ATOSA: variants seen among roughly 807,000 people sequenced by gnomAD.
The protein encoded by ATOSA is atos homolog A.
the ATOSA span, chr15:52,657,818 G>A: frequency 2.0e-5 from 3 of 152,084 alleles, no homozygotes. Context: ...ATTAATGTGT[G>A]TAAAATTAAT....
At chr15:52,617,772 A>T in the ATOSA span, among the ~76,000 whole-genome samples, 322 of 123,072 alleles carry the variant, frequency 2.6e-3, 1 homozygote, top group East Asian at 0.026. Flanking sequence ...ATTTATTAAT[A>T]ATTTATTATA....
the ATOSA span, chr15:52,677,979 C>A: frequency 6.2e-7 from 1 of 1,613,994 alleles, no homozygotes; most frequent in Non-Finnish European, 8.5e-7. Context: ...GGTGGGGGAA[C>A]AAGCCCTACT....
the ATOSA span, among the ~76,000 whole-genome samples, chr15:52,691,520 A>G: frequency 4.6e-5 from 7 of 152,220 alleles, no homozygotes; most frequent in Non-Finnish European, 5.9e-5. Context: ...GAAACTATAA[A>G]CTATTAAACA....
the ATOSA span, among the ~76,000 whole-genome samples, chr15:52,662,326 C>A: frequency 6.6e-6 from 1 of 152,074 alleles, no homozygotes; most frequent in East Asian, 1.9e-4. Context: ...GCCTCTAATC[C>A]CATAGAATTC....
the ATOSA span, among the ~76,000 whole-genome samples, chr15:52,703,250 G>A: frequency 6.6e-6 from 1 of 152,154 alleles, no homozygotes; most frequent in African/African-American, 2.4e-5. Context: ...CACAGGGGTA[G>A]AGGGAGGAAT....
the ATOSA span, among the ~76,000 whole-genome samples, chr15:52,665,902 A>G: frequency 1.3e-5 from 2 of 152,218 alleles, no homozygotes; most frequent in Admixed American, 6.5e-5. Flanking sequence ...TAAGGGAAGA[A>G]TATTTAATGA....
chr15:52,641,808 C>G, the ATOSA span, among the ~76,000 whole-genome samples: 7 of 152,178 alleles, frequency 4.6e-5, no homozygotes, highest in Non-Finnish European at 8.8e-5. Flanking sequence ...TTTCATATTG[C>G]TCTGTTTCCT....
At chr15:52,700,006 A>G in the ATOSA span, among the ~76,000 whole-genome samples, 3 of 152,204 alleles carry the variant, frequency 2.0e-5, no homozygotes, top group South Asian at 6.2e-4. Context: ...ATGTGTGGGT[A>G]TGCCATGAAC....
At chr15:52,581,376 T>C in the ATOSA span, 1 of 152,224 alleles carries the variant, frequency 6.6e-6, no homozygotes, top group Admixed American at 6.5e-5. Context: ...CCAAAGTACA[T>C]ATTCTTTTAA....
the ATOSA span, among the ~76,000 whole-genome samples, chr15:52,631,025 G>A: frequency 2.0e-5 from 3 of 152,186 alleles, no homozygotes; most frequent in African/African-American, 7.2e-5. Flanking sequence ...ATGTACCTGA[G>A]GAGAGGAACA....
At chr15:52,707,747 C>G in the ATOSA span, among the ~76,000 whole-genome samples, 1 of 151,812 alleles carries the variant, frequency 6.6e-6, no homozygotes, top group Non-Finnish European at 1.5e-5. Context: ...CCACATACTC[C>G]CGAATGATTC....
At chr15:52,616,020 C>A in the ATOSA span, among the ~76,000 whole-genome samples, 2 of 152,204 alleles carry the variant, frequency 1.3e-5, no homozygotes, top group African/African-American at 4.8e-5. Context: ...TATTCCCAGT[C>A]AATTCATCCA....
chr15:52,627,588 A>G, the ATOSA span, among the ~76,000 whole-genome samples: 1 of 152,178 alleles, frequency 6.6e-6, no homozygotes, highest in Admixed American at 6.5e-5. Flanking sequence ...GAATTCACAT[A>G]TTACAAGACA....
chr15:52,671,163 C>T, the ATOSA span, among the ~76,000 whole-genome samples: 5 of 152,260 alleles, frequency 3.3e-5, no homozygotes, highest in African/African-American at 1.2e-4. Flanking sequence ...CACTAAATGG[C>T]TTTTGCCTAC....
the ATOSA span, chr15:52,609,970 G>T: frequency 1.2e-6 from 2 of 1,613,070 alleles, no homozygotes; most frequent in African/African-American, 1.3e-5. Context: ...TAGAATATTG[G>T]CTTGAGATGT....
the ATOSA span, among the ~76,000 whole-genome samples, chr15:52,643,857 G>A: frequency 1.2e-4 from 18 of 151,804 alleles, no homozygotes; most frequent in Non-Finnish European, 2.1e-4. Flanking sequence ...AGGTTGCAGT[G>A]AGCCGAGATC....
the ATOSA span, chr15:52,648,711 C>G: frequency 6.6e-6 from 1 of 152,060 alleles, no homozygotes; most frequent in Admixed American, 6.6e-5. Context: ...ATAACTGATT[C>G]ACACAGCATC....
At chr15:52,611,789 T>C in the ATOSA span, 1 of 1,612,574 alleles carries the variant, frequency 6.2e-7, no homozygotes, top group Non-Finnish European at 8.5e-7. Flanking sequence ...TTAGAGAAAA[T>C]GAATATAAGC....
the ATOSA span, among the ~76,000 whole-genome samples, chr15:52,702,730 ACCTGTACATGTATC>A: frequency 6.7e-6 from 1 of 149,656 alleles, no homozygotes; most frequent in African/African-American, 2.5e-5. Context: ...CAGGTAACAA[ACCTGTACATGTATC>A]CCCTGAGTCT....
Sources: allele counts gnomAD v4.1 joint callset (sites outside exome capture counted in the v4.1 genomes callset), GRCh38; gene constraint gnomAD v4.1.1; transcripts MANE v1.5; gene names NCBI Gene and HGNC (gene_info 2026-07-23, HGNC 2026-07-21).